MEF2C: variants seen among roughly 807,000 people sequenced by gnomAD.
MEF2C encodes the protein myocyte-specific enhancer factor 2C.
Under a neutral mutation model 50.5 loss-of-function variants are expected in MEF2C, and 6 were observed. The observed-to-expected ratio is 0.12, with a 90% CI of 0.07 to 0.23. The LOEUF (loss-of-function observed/expected upper bound fraction) is 0.23. Ranked by LOEUF, MEF2C falls within the 10% of genes least tolerant of loss-of-function variation. The pLI is 1.00. For missense variants in MEF2C, 276 were observed against 605.0 expected (o/e 0.46, Z 5.70); for synonymous variants, 183 against 228.0 (o/e 0.80, Z 1.78).
rs537489144 is a variant in MEF2C at position 88,826,244 on chromosome 5, G to A, written c.-142-2314C>T. Among the ~76,000 whole-genome samples, 215 of 152,076 alleles carry A rather than the reference G, an allele frequency of 1.4e-3. 1 individual carries two copies. The highest frequency in any genetic ancestry group is 1.9e-3 in the Non-Finnish European group (129 of 67,908). ...TGTGTATGTATCTATGTATATATAAGTGGTTGATAAAAATGCCATTGAATA... is the reference window on the plus strand; with the variant it reads ...TGTGTATGTATCTATGTATATATAAATGGTTGATAAAAATGCCATTGAATA... On this transcript the variant is annotated intron_variant, in intron 1 of 10. Transcript: ENST00000504921.
intron 10 of MEF2C, among the ~76,000 whole-genome samples, chr5:88,723,645 G>T (rs1757274334): frequency 1.3e-5 from 2 of 152,174 alleles, no homozygotes; most frequent in Admixed American, 1.3e-4. Flanking sequence ...TCATCCTTTT[G>T]CAGTTACATG....
At chr5:88,836,814 C>T (rs1815288917) in intron 1 of MEF2C, among the ~76,000 whole-genome samples, 1 of 152,018 alleles carries the variant, frequency 6.6e-6, no homozygotes, top group African/African-American at 2.4e-5. Context: ...TACTATAGAT[C>T]AGAAGTTACT....
chr5:88,771,072 C>T (rs1385546772), intron 3 of MEF2C, among the ~76,000 whole-genome samples: 3 of 152,188 alleles, frequency 2.0e-5, no homozygotes, highest in Non-Finnish European at 4.4e-5. Flanking sequence ...GGGGGAACCC[C>T]CATTTATAAA....
chr5:88,855,366 G>A (rs1195581028), intron 1 of MEF2C, among the ~76,000 whole-genome samples: 1 of 152,052 alleles, frequency 6.6e-6, no homozygotes. Flanking sequence ...ACAGTAATAA[G>A]ATGATATACT....
chr5:88,874,017 A>G (rs571906228), intron 1 of MEF2C, among the ~76,000 whole-genome samples: 24 of 151,922 alleles, frequency 1.6e-4, no homozygotes, highest in Non-Finnish European at 1.8e-4. Context: ...TTAACCACAT[A>G]AACCTTTACA....
At chr5:88,773,429 AAGAG>A (rs1426863398) in intron 3 of MEF2C, among the ~76,000 whole-genome samples, 1 of 152,092 alleles carries the variant, frequency 6.6e-6, no homozygotes, top group Non-Finnish European at 1.5e-5. Flanking sequence ...AATCACGTGG[AAGAG>A]AGAGTTAATA....
intron 1 of MEF2C, among the ~76,000 whole-genome samples, chr5:88,845,051 G>A (rs1464027050): frequency 2.0e-5 from 3 of 152,168 alleles, no homozygotes; most frequent in Non-Finnish European, 2.9e-5. Flanking sequence ...TTGATTGTAA[G>A]CAACTTTTTA....
chr5:88,793,604 C>T (rs1053472160), intron 3 of MEF2C, among the ~76,000 whole-genome samples: 1 of 151,938 alleles, frequency 6.6e-6, no homozygotes, highest in Non-Finnish European at 1.5e-5. Flanking sequence ...GAAAAGTATC[C>T]TTGTATAATA....
chr5:88,900,851 G>C (rs1835584021), intron 1 of MEF2C, among the ~76,000 whole-genome samples: 1 of 151,976 alleles, frequency 6.6e-6, no homozygotes, highest in South Asian at 2.1e-4. Flanking sequence ...CCACCTTGGT[G>C]ACCTTTGGTA....
chr5:88,869,274 TATACATATATATATATATATAC>T (rs1258753652), intron 1 of MEF2C, among the ~76,000 whole-genome samples: 1 of 46,118 alleles, frequency 2.2e-5, no homozygotes, highest in African/African-American at 1.7e-4. Context: ...TATATATATA[TATACATATATATATATATATAC>T]ACATATATAT....
chr5:88,777,904 T>TC (rs1247301294), intron 3 of MEF2C, among the ~76,000 whole-genome samples: 1 of 133,302 alleles, frequency 7.5e-6, no homozygotes, highest in Non-Finnish European at 1.6e-5. Flanking sequence ...CTTTTCTTTT[T>TC]TTTTTTTTTT....
intron 3 of MEF2C, among the ~76,000 whole-genome samples, chr5:88,769,545 A>G (rs1781482222): frequency 1.3e-5 from 2 of 152,214 alleles, no homozygotes; most frequent in South Asian, 4.1e-4. Context: ...TCAATCCAGC[A>G]GAGATGTGAA....
At chr5:88,850,382 C>G (rs1820887901) in intron 1 of MEF2C, among the ~76,000 whole-genome samples, 1 of 152,026 alleles carries the variant, frequency 6.6e-6, no homozygotes, top group African/African-American at 2.4e-5. Flanking sequence ...TTCTTTTGCC[C>G]ATGGTAAGAG....
intron 4 of MEF2C, among the ~76,000 whole-genome samples, chr5:88,759,079 C>T (rs937564695): frequency 6.6e-6 from 1 of 152,228 alleles, no homozygotes. Flanking sequence ...TACTATCTGA[C>T]ACACCTAAGG....
intron 3 of MEF2C, among the ~76,000 whole-genome samples, chr5:88,799,870 TCACA>T (rs60340884): frequency 0.046 from 4,896 of 107,404 alleles, 93 homozygotes; most frequent in African/African-American, 0.055. Context: ...TCTCTCTCTC[TCACA>T]CACACACACA....
At chr5:88,831,728 T>C (rs181517617) in intron 1 of MEF2C, among the ~76,000 whole-genome samples, 4 of 152,244 alleles carry the variant, frequency 2.6e-5, no homozygotes, top group East Asian at 1.9e-4. Flanking sequence ...ATTGCTATTA[T>C]ATGTGGCTCA....
intron 1 of MEF2C, chr5:88,839,648 T>G (rs1010850631): frequency 1.3e-5 from 2 of 151,872 alleles, no homozygotes; most frequent in South Asian, 4.2e-4. Context: ...GTGTGCATAT[T>G]ACTCTTATAT....
chr5:88,880,835 T>C (rs1423047831), intron 1 of MEF2C: 1 of 152,048 alleles, frequency 6.6e-6, no homozygotes, highest in Non-Finnish European at 1.5e-5. Context: ...AAAATATGAA[T>C]AGCTCAGAAA....
intron 3 of MEF2C, among the ~76,000 whole-genome samples, chr5:88,782,700 A>G (rs1182342292): frequency 6.6e-6 from 1 of 152,220 alleles, no homozygotes; most frequent in Non-Finnish European, 1.5e-5. Context: ...TTTAGCACAC[A>G]CACATATACA....
Sources: gnomAD v4.1 joint callset for allele counts (sites outside exome capture counted in the v4.1 genomes callset) on GRCh38, gnomAD v4.1.1 for gene constraint, MANE v1.5 for transcripts, NCBI Gene and HGNC (gene_info 2026-07-23, HGNC 2026-07-21) for gene names.